The following CNOT6L variants were observed in gnomAD, a reference collection of about 807,000 sequenced individuals.
The protein encoded by CNOT6L is CCR4-NOT transcription complex subunit 6-like.
In CNOT6L, 7 loss-of-function variants were observed where a neutral mutation model predicts 64.0. The observed-to-expected ratio is 0.11, with a 90% CI of 0.06 to 0.21. The LOEUF is 0.21. Among genes scored for constraint, CNOT6L ranks in the 10% least tolerant of loss-of-function variants. CNOT6L has a pLI of 1.00. For missense variants in CNOT6L, 245 were observed against 669.0 expected (o/e 0.37, Z 6.99); for synonymous variants, 193 against 243.4 (o/e 0.79, Z 1.93).
chr4:77,718,503 A>ACTT lies in CNOT6L; in HGVS notation c.*1925_*1927dup, dbSNP rs1720973516. On this transcript the variant is annotated 3_prime_UTR_variant, in exon 12 of 12. Transcript: ENST00000504123. ...TTTCTTTTTGTTTGTTTATCCTGGT[A>ACTT]CTTTAACATTTTTAAAAGATATTTT... The ACTT allele has an allele frequency of 3.3e-5, 5 of 152,672 alleles. No homozygotes were observed. The highest frequency in any genetic ancestry group is 3.3e-4 in the Admixed American group (5 of 15,274). 9.5% of individuals were successfully genotyped at this position (152,672 alleles called of 1,614,324 possible).
chr4:77,789,227 TCTAACTG>T lies in CNOT6L; in HGVS notation c.6-12842_6-12836del, dbSNP rs1729804476. On this transcript the variant is annotated intron_variant, in intron 1 of 11. Transcript: ENST00000504123. ...TCAAACCCAAAGTGATAGTAAACCCTCTAACTGCTTGTTTTCAAGGAAAAACTTAAGA... is the reference window on the plus strand; with the variant it reads ...TCAAACCCAAAGTGATAGTAAACCCTCTTGTTTTCAAGGAAAAACTTAAGA... Among the ~76,000 whole-genome samples the T allele has an allele frequency of 8.6e-5, 13 of 151,986 alleles. No individual in the cohort carries two copies. In the South Asian group the frequency reaches 2.5e-3, roughly 29 times the overall value.
chr4:77,739,098 G>A (rs1469487858), intron 8 of CNOT6L, among the ~76,000 whole-genome samples: 1 of 152,142 alleles, frequency 6.6e-6, no homozygotes, highest in Non-Finnish European at 1.5e-5. Context: ...TTGGTAACTT[G>A]TGTCCTAGCC....
intron 1 of CNOT6L, among the ~76,000 whole-genome samples, chr4:77,790,674 T>C (rs1015642260): frequency 6.6e-6 from 1 of 152,140 alleles, no homozygotes; most frequent in Non-Finnish European, 1.5e-5. Flanking sequence ...CATTTGACTA[T>C]ATTTGAAGAT....
At chr4:77,787,124 G>A (rs890767516) in intron 1 of CNOT6L, among the ~76,000 whole-genome samples, 7 of 152,024 alleles carry the variant, frequency 4.6e-5, no homozygotes, top group Non-Finnish European at 8.8e-5. Context: ...AAAAACAGCC[G>A]GGTGTGGTGG....
At chr4:77,780,630 A>C (rs1457847457) in intron 1 of CNOT6L, among the ~76,000 whole-genome samples, 1 of 152,184 alleles carries the variant, frequency 6.6e-6, no homozygotes, top group Non-Finnish European at 1.5e-5. Flanking sequence ...TCAGTCCTAG[A>C]TAAGGAACCC....
intron 8 of CNOT6L, among the ~76,000 whole-genome samples, chr4:77,736,705 G>T (rs1185796797): frequency 2.0e-5 from 3 of 151,934 alleles, no homozygotes; most frequent in East Asian, 1.9e-4. Context: ...TCTTAAACTT[G>T]TCTCTTTCGA....
chr4:77,786,075 G>A (rs181933257), intron 1 of CNOT6L, among the ~76,000 whole-genome samples: 66 of 152,210 alleles, frequency 4.3e-4, no homozygotes, highest in African/African-American at 1.3e-3. Context: ...GAGGTCAGGC[G>A]TTCAAGACCA....
intron 4 of CNOT6L, among the ~76,000 whole-genome samples, chr4:77,767,854 C>T (rs1002571125): frequency 6.6e-6 from 1 of 151,832 alleles, no homozygotes; most frequent in Admixed American, 6.6e-5. Flanking sequence ...TGGCGGGAGC[C>T]TGTAATCCCA....
chr4:77,795,999 T>C (rs904325960), intron 1 of CNOT6L, among the ~76,000 whole-genome samples: 10 of 152,188 alleles, frequency 6.6e-5, no homozygotes, highest in African/African-American at 2.2e-4. Context: ...CTTTTATCTT[T>C]AATAATTTCA....
intron 10 of CNOT6L, among the ~76,000 whole-genome samples, chr4:77,726,789 G>C (rs1408582152): frequency 1.3e-5 from 2 of 152,122 alleles, no homozygotes; most frequent in African/African-American, 2.4e-5. Context: ...TATATAAGTA[G>C]AGCATATTAA....
chr4:77,716,562 A>G lies in CNOT6L; in HGVS notation c.*3869T>C, dbSNP rs922311931. The G allele has an allele frequency of 2.6e-5, 4 of 152,200 alleles. No individual in the cohort carries two copies. Among genetic ancestry groups the G allele is most frequent in the Admixed American group, 6.6e-5 (1 of 15,250 alleles). 9.4% of individuals were successfully genotyped at this position (152,200 alleles called of 1,614,324 possible). Reference sequence around the variant, plus strand: ...CTTAAATTTTCACCCATTTAACAATATAAACTTAGAATTTTAAAATGGAAC... The same window carrying G: ...CTTAAATTTTCACCCATTTAACAATGTAAACTTAGAATTTTAAAATGGAAC... On this transcript the variant is annotated 3_prime_UTR_variant, in exon 12 of 12. Coordinates refer to ENST00000504123, the MANE Select transcript of CNOT6L (RefSeq NM_144571.3).
chr4:77,763,173 A>G lies in CNOT6L; in HGVS notation c.401-6222T>C, dbSNP rs76907421. ...AAGGTAGGACAGCAATAACAAAAATACCAATAATTATATGTAAGGCAACTG... is the reference window on the plus strand; with the variant it reads ...AAGGTAGGACAGCAATAACAAAAATGCCAATAATTATATGTAAGGCAACTG... On this transcript the variant is annotated intron_variant, in intron 4 of 11. Transcript: ENST00000504123. Among the ~76,000 whole-genome samples the G allele has an allele frequency of 5.3e-3, 808 of 152,220 alleles. 7 individuals are homozygous for G. The highest frequency in any genetic ancestry group is 0.018 in the African/African-American group (761 of 41,574).
chr4:77,800,426 G>A (rs1043407440), intron 1 of CNOT6L, among the ~76,000 whole-genome samples: 3 of 151,686 alleles, frequency 2.0e-5, no homozygotes, highest in African/African-American at 7.3e-5. Flanking sequence ...TTAGATAGGA[G>A]GATTACTTGA....
intron 8 of CNOT6L, among the ~76,000 whole-genome samples, chr4:77,737,406 C>CTTTTT (rs56952956): frequency 9.1e-4 from 75 of 82,374 alleles, no homozygotes; most frequent in African/African-American, 2.5e-3. Flanking sequence ...TTGTACCGTT[C>CTTTTT]TTTTTTTTTT....
rs911182961 is a variant in CNOT6L at position 77,772,791 on chromosome 4, C to T, written c.400+290G>A. On this transcript the variant is annotated intron_variant, in intron 4 of 11. Transcript: ENST00000504123. ...CAAAAAAATTAGCCGGGCATGGTGG[C>T]GAGCGCCTGTAGCCCCAGCTACTCA... Among the ~76,000 whole-genome samples, 8 of 152,052 alleles carry T rather than the reference C, an allele frequency of 5.3e-5. No homozygotes were observed. In the East Asian group the frequency reaches 1.2e-3, roughly 22 times the overall value.
chr4:77,798,431 TAAAA>T (rs955366471), intron 1 of CNOT6L, among the ~76,000 whole-genome samples: 4 of 151,906 alleles, frequency 2.6e-5, no homozygotes, highest in Non-Finnish European at 5.9e-5. Flanking sequence ...AATTCAGTAA[TAAAA>T]AAAATTTCTA....
chr4:77,736,254 AC>A (rs1490365086), intron 8 of CNOT6L, among the ~76,000 whole-genome samples: 1 of 152,224 alleles, frequency 6.6e-6, no homozygotes, highest in Non-Finnish European at 1.5e-5. Context: ...AGAGTTGAAA[AC>A]TAGTTGAACC....
At chr4:77,777,787 G>A (rs1024637359) in intron 1 of CNOT6L, among the ~76,000 whole-genome samples, 6 of 152,088 alleles carry the variant, frequency 3.9e-5, no homozygotes, top group African/African-American at 1.2e-4. Flanking sequence ...TCTGAAATTT[G>A]TAACATATAG....
intron 1 of CNOT6L, among the ~76,000 whole-genome samples, chr4:77,806,277 T>C (rs1010572970): frequency 6.6e-6 from 1 of 152,042 alleles, no homozygotes; most frequent in Non-Finnish European, 1.5e-5. Context: ...AATACAAAAT[T>C]AGCCGGGCGT....
Sources: gnomAD v4.1 joint callset for allele counts (sites outside exome capture counted in the v4.1 genomes callset) on GRCh38, gnomAD v4.1.1 for gene constraint, MANE v1.5 for transcripts, NCBI Gene and HGNC (gene_info 2026-07-23, HGNC 2026-07-21) for gene names.